The following PCDH15 variants were observed in gnomAD, a reference collection of about 807,000 sequenced individuals.
PCDH15 encodes the protein protocadherin-15.
A neutral mutation model predicts 178.5 loss-of-function variants in PCDH15; 129 were observed. The ratio of observed to expected loss-of-function variants is 0.72; its 90% confidence interval spans 0.63 to 0.84. The LOEUF is 0.84. Among genes scored for constraint, PCDH15 ranks in the 40% least tolerant of loss-of-function variants. The probability of loss-of-function intolerance (pLI) is 0.00; values close to 1 mark genes in which losing one functional copy is unlikely to be tolerated. For synonymous variants in PCDH15, 800 were observed against 732.0 expected (o/e 1.09, Z -1.50); for missense variants, 2,230 against 2,099.9 (o/e 1.06, Z -1.21).
intron 8 of PCDH15, among the ~76,000 whole-genome samples, chr10:54,310,389 G>C (rs1217023431): frequency 1.3e-5 from 2 of 152,100 alleles, no homozygotes; most frequent in African/African-American, 4.8e-5. Flanking sequence ...TGTTCTGACA[G>C]TGTAAATAGA....
At chr10:54,281,908 T>C (rs974731880) in intron 8 of PCDH15, among the ~76,000 whole-genome samples, 3 of 152,066 alleles carry the variant, frequency 2.0e-5, no homozygotes, top group African/African-American at 7.2e-5. Flanking sequence ...CAGTAACTCA[T>C]CAAAACTATT....
intron 2 of PCDH15, among the ~76,000 whole-genome samples, chr10:54,569,561 G>C (rs1178693274): frequency 6.6e-6 from 1 of 152,048 alleles, no homozygotes; most frequent in African/African-American, 2.4e-5. Flanking sequence ...GTTGGTGTTG[G>C]GATAAGATAA....
intron 3 of PCDH15, among the ~76,000 whole-genome samples, chr10:54,465,515 AT>A (rs2077459781): frequency 1.3e-5 from 2 of 151,966 alleles, no homozygotes; most frequent in South Asian, 4.1e-4. Flanking sequence ...TGCCTGATTT[AT>A]TTCATGTAAC....
At chr10:55,284,306 C>T (rs1389736304) in intron 1 of PCDH15, among the ~76,000 whole-genome samples, 1 of 152,072 alleles carries the variant, frequency 6.6e-6, no homozygotes, top group Non-Finnish European at 1.5e-5. Context: ...ATAGTATACT[C>T]AATTTACCTT....
chr10:54,353,573 A>G (rs1257611612), intron 5 of PCDH15, among the ~76,000 whole-genome samples: 1 of 151,306 alleles, frequency 6.6e-6, no homozygotes, highest in African/African-American at 2.5e-5. Context: ...TTCAATCAAA[A>G]TTGCTTAGTT....
chr10:54,864,298 G>A (rs1459353451), intron 3 of PCDH15, among the ~76,000 whole-genome samples: 3 of 152,056 alleles, frequency 2.0e-5, no homozygotes, highest in African/African-American at 4.8e-5. Context: ...AAGTAGAGAA[G>A]AGACAATTAA....
chr10:54,042,882 G>A (rs1229614519), intron 18 of PCDH15, among the ~76,000 whole-genome samples: 1 of 152,112 alleles, frequency 6.6e-6, no homozygotes, highest in African/African-American at 2.4e-5. Flanking sequence ...GGGGAAAAAT[G>A]ATTGTGGTTT....
At chr10:54,788,680 C>A (rs1182090748) in intron 1 of PCDH15, among the ~76,000 whole-genome samples, 1 of 151,606 alleles carries the variant, frequency 6.6e-6, no homozygotes, top group Non-Finnish European at 1.5e-5. Flanking sequence ...GAAAGTTATG[C>A]TATGTAAAAG....
At chr10:54,317,103 T>A (rs1298008079) in intron 8 of PCDH15, among the ~76,000 whole-genome samples, 168 bp downstream of exon 8, 1 of 152,214 alleles carries the variant, frequency 6.6e-6, no homozygotes, top group Non-Finnish European at 1.5e-5. Flanking sequence ...ACTCTTTGTG[T>A]TAAAAATGTA....
At chr10:53,905,677 C>G (rs181231635) in intron 25 of PCDH15, among the ~76,000 whole-genome samples, 2 of 152,082 alleles carry the variant, frequency 1.3e-5, no homozygotes, top group Non-Finnish European at 1.5e-5. Context: ...CATATCCATA[C>G]TTATATGTAT....
chr10:55,472,689 C>T (rs966804157), intron 2 of PCDH15, among the ~76,000 whole-genome samples: 1 of 152,142 alleles, frequency 6.6e-6, no homozygotes, highest in South Asian at 2.1e-4. Flanking sequence ...CTGCCTCATC[C>T]TCCCTAGTAG....
chr10:55,449,249 A>G, intron 2 of PCDH15, among the ~76,000 whole-genome samples: 1 of 152,074 alleles, frequency 6.6e-6, no homozygotes, highest in South Asian at 2.1e-4. Flanking sequence ...ATGTTCCAGT[A>G]CAGAATGGTA....
At chr10:54,913,177 C>A (rs1327063455) in intron 2 of PCDH15, among the ~76,000 whole-genome samples, 1 of 152,184 alleles carries the variant, frequency 6.6e-6, no homozygotes, top group African/African-American at 2.4e-5. Context: ...GTAGCCAAGA[C>A]AATGGGGAAA....
At chr10:54,091,957 G>A (rs995674160) in intron 15 of PCDH15, among the ~76,000 whole-genome samples, 8 of 152,098 alleles carry the variant, frequency 5.3e-5, no homozygotes, top group Admixed American at 1.3e-4. Context: ...TTTCAGATGT[G>A]TATCCAATTG....
At chr10:55,625,030 G>A (rs1170898568) in intron 2 of PCDH15, among the ~76,000 whole-genome samples, 1 of 152,098 alleles carries the variant, frequency 6.6e-6, no homozygotes, top group Non-Finnish European at 1.5e-5. Context: ...GAAATTAAAA[G>A]GTGAGAATAA....
chr10:55,315,618 T>A (rs992256306), intron 1 of PCDH15, among the ~76,000 whole-genome samples: 1 of 152,180 alleles, frequency 6.6e-6, no homozygotes, highest in Non-Finnish European at 1.5e-5. Context: ...TATCTACTCA[T>A]CAACCTTGCT....
At chr10:55,127,008 AC>A (rs1243991473) in intron 2 of PCDH15, among the ~76,000 whole-genome samples, 1 of 151,770 alleles carries the variant, frequency 6.6e-6, no homozygotes, top group Non-Finnish European at 1.5e-5. Context: ...GTGTCCCCCC[AC>A]CCCACACACA....
At chr10:55,073,604 T>C (rs1163022442) in intron 2 of PCDH15, among the ~76,000 whole-genome samples, 1 of 152,110 alleles carries the variant, frequency 6.6e-6, no homozygotes, top group Non-Finnish European at 1.5e-5. Context: ...TGGCCTGTAG[T>C]TTTCTTTCTC....
chr10:55,013,522 T>G (rs1840097518), intron 2 of PCDH15, among the ~76,000 whole-genome samples: 1 of 152,124 alleles, frequency 6.6e-6, no homozygotes, highest in Non-Finnish European at 1.5e-5. Context: ...TCAGAATATA[T>G]CAGCAATCCT....
Sources: allele counts gnomAD v4.1 joint callset (sites outside exome capture counted in the v4.1 genomes callset), GRCh38; gene constraint gnomAD v4.1.1; transcripts MANE v1.5; gene names NCBI Gene and HGNC (gene_info 2026-07-23, HGNC 2026-07-21).